Variants in SMPDL3B observed in about 807,000 individuals in gnomAD.
SMPDL3B encodes the protein acid sphingomyelinase-like phosphodiesterase 3b.
Under a neutral mutation model 37.9 loss-of-function variants are expected in SMPDL3B, and 31 were observed. That is an observed-to-expected ratio of 0.82 (90% CI 0.61 to 1.10). The LOEUF (loss-of-function observed/expected upper bound fraction) is 1.10. Among genes scored for constraint, SMPDL3B ranks in the 50% least tolerant of loss-of-function variants. The pLI is 0.00. For missense variants in SMPDL3B, 525 were observed against 597.8 expected, an observed-to-expected ratio of 0.88 and a Z score of 1.27; for synonymous variants, 235 against 242.6, an observed-to-expected ratio of 0.97 and a Z score of 0.29.
At position 27,958,819 on chromosome 1, in the gene SMPDL3B, T is replaced by A. The variant is rs373238441; in HGVS notation, c.1349T>A (p.Leu450Gln). ...CTGCTGCTGATGGCCCTGCTGGGCC[T>A]GTGCACGCTCGTGCTGTGACCTGCC... is the stretch of plus-strand genomic sequence containing the variant. ...LPLLLMALLG[L>Q]CTLVL is the part of the protein sequence containing the mutation. The change falls in exon 8 of 8, where the codon CTG (leucine) becomes CAG (glutamine). Residue 450 changes from leucine (L) to glutamine (Q), a missense_variant. By Grantham distance (113) the Leu-to-Gln change is moderately radical. Transcript: ENST00000373894. The surrounding 1 kb of genome is among the most constrained non-coding windows in gnomAD (Gnocchi z 5.6). 8.8e-6 allele frequency: 14 copies of A among 1,596,742 alleles called. No individual in the cohort carries two copies. The highest frequency in any genetic ancestry group is 1.2e-5 in the Non-Finnish European group (14 of 1,168,490).
At chr1:27,950,134 C>A (rs1484186052) in intron 3 of SMPDL3B, among the ~76,000 whole-genome samples, 1 of 152,150 alleles carries the variant, frequency 6.6e-6, no homozygotes, top group East Asian at 1.9e-4. Context: ...ACTGCCCTTA[C>A]TGTCTGTTCC....
intron 1 of SMPDL3B, chr1:27,942,333 C>T: frequency 2.1e-6 from 1 of 471,060 alleles, no homozygotes; most frequent in Non-Finnish European, 4.4e-6. Context: ...CAACATCCAT[C>T]CTGGCCAGCC....
rs114237360 is a variant in SMPDL3B, at chr1:27,953,531, C to T, written c.517+173C>T. Among the ~76,000 whole-genome samples the T allele has an allele frequency of 2.9e-3, 442 of 152,316 alleles. 2 individuals carry two copies. The highest frequency in any genetic ancestry group is 0.01 in the African/African-American group (423 of 41,580). ...TCTTGGGAGCAGACTCCAGAATTAA[C>T]TCCAAAGCCCTTCCTCTAAACCCCA... On this transcript the variant is annotated intron_variant, in intron 4 of 7. Coordinates refer to ENST00000373894, the MANE Select transcript of SMPDL3B (RefSeq NM_014474.4).
At chr1:27,937,237 CCT>C (rs2090317578) in intron 1 of SMPDL3B, among the ~76,000 whole-genome samples, 5 of 152,204 alleles carry the variant, frequency 3.3e-5, no homozygotes, top group Non-Finnish European at 5.9e-5. Context: ...TCCTTCTCCT[CCT>C]ACACATGTCC....
intron 1 of SMPDL3B, among the ~76,000 whole-genome samples, chr1:27,939,601 T>C (rs537808602): frequency 6.6e-6 from 1 of 152,220 alleles, no homozygotes; most frequent in East Asian, 1.9e-4. Context: ...GGCAGATCAC[T>C]TGAGCTCAGG....
chr1:27,958,564 AT>A lies in SMPDL3B; in HGVS notation c.1095del (p.Tyr365Ter). On this transcript the variant is annotated frameshift_variant, in exon 8 of 8. Coordinates refer to ENST00000373894, the MANE Select transcript of SMPDL3B (RefSeq NM_014474.4). LOFTEE classifies it low-confidence loss of function (END_TRUNC). The surrounding 1 kb of genome is among the most constrained non-coding windows in gnomAD (Gnocchi z 5.6). ...CTCGAGTACCAGCTGACCGAGGCCT[AT>A]GGGGTGCCGGACGCCAGCGCCCACT... ...WELEYQLTEA[Y>X]GVPDASAHSM... 6.2e-7 allele frequency: 1 copy of A among 1,613,946 alleles called. No homozygotes were observed. The highest frequency in any genetic ancestry group is 1.1e-5 in the South Asian group (1 of 91,080).
intron 3 of SMPDL3B, among the ~76,000 whole-genome samples, chr1:27,949,785 G>A (rs1238253185): frequency 6.6e-6 from 1 of 152,178 alleles, no homozygotes; most frequent in African/African-American, 2.4e-5. Context: ...CTGCCAGGCT[G>A]CCAACTGGGC....
At chr1:27,947,617 C>CAA (rs561983354) in intron 2 of SMPDL3B, among the ~76,000 whole-genome samples, 2 of 85,524 alleles carry the variant, frequency 2.3e-5, no homozygotes, top group African/African-American at 9.1e-5. Context: ...GACTCCATCT[C>CAA]AAAAAAAAAA....
chr1:27,945,537 A>C lies in SMPDL3B; in HGVS notation c.275+92A>C. The C allele has an allele frequency of 2.0e-6, 2 of 1,006,906 alleles. No individual in the cohort carries two copies. The highest frequency in any genetic ancestry group is 1.5e-6 in the Non-Finnish European group (1 of 650,140). 62.4% of individuals were successfully genotyped at this position (1,006,906 alleles called of 1,614,324 possible). On this transcript the variant is annotated intron_variant, in intron 2 of 7. Coordinates refer to ENST00000373894, the MANE Select transcript of SMPDL3B (RefSeq NM_014474.4). This position sits in a 1 kb window ranked among gnomAD's most constrained non-coding sequence, Gnocchi z 4.0. ...CCCTTTGCCCACATTATCTCCCTTAATCCTCACATCAGTCTCACGTGAGGC... is the reference window on the plus strand; with the variant it reads ...CCCTTTGCCCACATTATCTCCCTTACTCCTCACATCAGTCTCACGTGAGGC...
chr1:27,935,607 G>T (rs1285792056), intron 1 of SMPDL3B, among the ~76,000 whole-genome samples: 1 of 152,168 alleles, frequency 6.6e-6, no homozygotes, highest in African/African-American at 2.4e-5. Flanking sequence ...GAGAAGAAAA[G>T]AAAGTCCCCG....
rs567222198 is a variant in SMPDL3B at position 27,939,637 on chromosome 1, G to A, written c.61+4393G>A. Among the ~76,000 whole-genome samples, 12 of 152,224 alleles carry A rather than the reference G, an allele frequency of 7.9e-5. No individual in the cohort carries two copies. The East Asian group carries it at 2.3e-3, about 29-fold the overall frequency. ...AATTTGAGACCAGACTGGGCAACAT[G>A]GCAAACCCCACCTCTACAAAAAAGT... On this transcript the variant is annotated intron_variant, in intron 1 of 7. Transcript: ENST00000373894.
chr1:27,942,118 C>T (rs1471606104), intron 1 of SMPDL3B, among the ~76,000 whole-genome samples: 11 of 152,142 alleles, frequency 7.2e-5, no homozygotes, highest in Non-Finnish European at 4.4e-5. Flanking sequence ...GGCTGGAAAA[C>T]GACAACTGAC....
Position 27,949,284 on chromosome 1 carries a change from T to C in SMPDL3B, c.373+122T>C, listed in dbSNP as rs187434522. 2.9e-3 allele frequency: 2,915 copies of C among 1,010,726 alleles called. 6 individuals are homozygous for C. The highest frequency in any genetic ancestry group is 4.0e-3 in the Non-Finnish European group (2,626 of 663,438). 62.6% of individuals were successfully genotyped at this position (1,010,726 alleles called of 1,614,324 possible). On this transcript the variant is annotated intron_variant, in intron 3 of 7. Coordinates refer to ENST00000373894, the MANE Select transcript of SMPDL3B (RefSeq NM_014474.4). ...CTTCATCCATGGACAGCGATGGCTG[T>C]TGGCCAGGTCTTCATGGTGACCATT... is the stretch of plus-strand genomic sequence containing the variant.
At chr1:27,946,442 T>G (rs1402725358) in intron 2 of SMPDL3B, among the ~76,000 whole-genome samples, 1 of 152,038 alleles carries the variant, frequency 6.6e-6, no homozygotes, top group Non-Finnish European at 1.5e-5. Context: ...CGTGCTCAGT[T>G]GTGGGGTAGA....
intron 1 of SMPDL3B, among the ~76,000 whole-genome samples, chr1:27,939,819 T>C (rs540955719): frequency 2.6e-5 from 1 of 38,676 alleles, no homozygotes; most frequent in South Asian, 4.8e-4. Flanking sequence ...TTTGTTTTTG[T>C]TTGTTTGTTT....
intron 1 of SMPDL3B, chr1:27,938,955 G>A (rs1040139056): frequency 1.3e-5 from 2 of 152,202 alleles, no homozygotes; most frequent in Non-Finnish European, 2.9e-5. Context: ...GTAAGTCAAG[G>A]AAAACCTGTA....
At chr1:27,937,148 C>T (rs190360019) in intron 1 of SMPDL3B, among the ~76,000 whole-genome samples, 44 of 152,338 alleles carry the variant, frequency 2.9e-4, no homozygotes, top group Admixed American at 2.7e-3. Flanking sequence ...ACAGCATCAT[C>T]CCTGCTTTGC....
intron 4 of SMPDL3B, 131 bp downstream of exon 4, chr1:27,953,489 C>T: frequency 1.2e-6 from 1 of 844,376 alleles, no homozygotes; most frequent in Non-Finnish European, 1.8e-6. Context: ...CAGGGTCATA[C>T]AGCTTAGAAA....
At chr1:27,944,434 A>G (rs2090388917) in intron 1 of SMPDL3B, among the ~76,000 whole-genome samples, 1 of 152,082 alleles carries the variant, frequency 6.6e-6, no homozygotes, top group African/African-American at 2.4e-5. Context: ...GGCTCACTGC[A>G]GCCTCCACCT....
Sources: gnomAD v4.1 joint callset for allele counts (sites outside exome capture counted in the v4.1 genomes callset) on GRCh38, gnomAD v4.1.1 for gene constraint, Gnocchi (gnomAD v3.1) non-coding constraint, MANE v1.5 for transcripts, NCBI Gene and HGNC (gene_info 2026-07-23, HGNC 2026-07-21) for gene names.